Variants in CACNB4 observed in about 807,000 individuals in gnomAD.
CACNB4 encodes voltage-dependent L-type calcium channel subunit beta-4.
A neutral mutation model predicts 71.2 loss-of-function variants in CACNB4; 32 were observed. That is an observed-to-expected ratio of 0.45 (90% CI 0.34 to 0.60). The LOEUF is 0.60. Ranked by LOEUF, CACNB4 falls within the 20% of genes least tolerant of loss-of-function variation. The pLI is 0.01. For synonymous variants in CACNB4, 231 were observed against 236.9 expected (o/e 0.97, Z 0.23); for missense variants, 464 against 647.9 (o/e 0.72, Z 3.08).
intron 2 of CACNB4, among the ~76,000 whole-genome samples, chr2:151,991,594 T>C (rs1189793546): frequency 6.6e-6 from 1 of 152,232 alleles, no homozygotes; most frequent in Non-Finnish European, 1.5e-5. Context: ...GTGAAGAATG[T>C]GCTTCTTGCT....
intron 2 of CACNB4, among the ~76,000 whole-genome samples, chr2:152,038,011 G>A (rs1684684419): frequency 6.6e-6 from 1 of 152,202 alleles, no homozygotes; most frequent in Admixed American, 6.5e-5. Context: ...AGGGCCCAGG[G>A]AATCTTCAGC....
chr2:151,933,179 A>C (rs978050738), intron 2 of CACNB4, among the ~76,000 whole-genome samples: 3 of 151,214 alleles, frequency 2.0e-5, no homozygotes, highest in Non-Finnish European at 4.4e-5. Context: ...TTAAAAACAA[A>C]AAAAAAGCAA....
intron 2 of CACNB4, among the ~76,000 whole-genome samples, chr2:151,917,833 T>C (rs371949439): frequency 7.8e-5 from 1 of 12,788 alleles, no homozygotes; most frequent in African/African-American, 1.9e-4. Flanking sequence ...AGACACTGTC[T>C]CAAAAAAAAA....
At chr2:151,893,569 G>C (rs182663575) in intron 2 of CACNB4, among the ~76,000 whole-genome samples, 2 of 151,922 alleles carry the variant, frequency 1.3e-5, no homozygotes, top group Non-Finnish European at 2.9e-5. Context: ...ATAAATTATA[G>C]ATGAAGAGAT....
At chr2:151,995,131 G>T (rs1321974660) in intron 2 of CACNB4, among the ~76,000 whole-genome samples, 1 of 152,142 alleles carries the variant, frequency 6.6e-6, no homozygotes, top group African/African-American at 2.4e-5. Context: ...GCAAATATAA[G>T]TGCCAAAAAG....
chr2:152,023,312 A>G (rs1176017187), intron 2 of CACNB4, among the ~76,000 whole-genome samples: 1 of 152,106 alleles, frequency 6.6e-6, no homozygotes, highest in Non-Finnish European at 1.5e-5. Context: ...TTACAATTCG[A>G]GATGAGATTT....
At chr2:152,049,885 TGA>T (rs1445322132) in intron 2 of CACNB4, among the ~76,000 whole-genome samples, 3 of 152,254 alleles carry the variant, frequency 2.0e-5, no homozygotes, top group Non-Finnish European at 2.9e-5. Context: ...GTTTGACTGG[TGA>T]CTGTCATTAA....
intron 2 of CACNB4, among the ~76,000 whole-genome samples, chr2:151,889,988 C>T (rs960786499): frequency 6.6e-6 from 1 of 152,256 alleles, no homozygotes; most frequent in South Asian, 2.1e-4. Context: ...TGGTGTGACG[C>T]TAATTGTTAG....
intron 2 of CACNB4, among the ~76,000 whole-genome samples, chr2:152,007,200 A>G (rs1432998580): frequency 6.6e-6 from 1 of 152,196 alleles, no homozygotes; most frequent in Non-Finnish European, 1.5e-5. Context: ...AAATCATGGG[A>G]AAATATGCAT....
At chr2:152,005,586 A>T (rs1682678645) in intron 2 of CACNB4, among the ~76,000 whole-genome samples, 2 of 152,196 alleles carry the variant, frequency 1.3e-5, no homozygotes, top group Admixed American at 6.5e-5. Context: ...GGGTGAAGGG[A>T]TCCATAGAAA....
chr2:152,074,407 A>G (rs1686879353), intron 2 of CACNB4, among the ~76,000 whole-genome samples: 1 of 150,208 alleles, frequency 6.7e-6, no homozygotes, highest in Admixed American at 6.6e-5. Flanking sequence ...CACCATCATC[A>G]CCACCAGCAG....
chr2:151,972,553 C>A (rs772025954), intron 2 of CACNB4: 1 of 152,044 alleles, frequency 6.6e-6, no homozygotes, highest in African/African-American at 2.4e-5. Context: ...AGAGACTTTG[C>A]GGAAACAGAG....
At chr2:151,959,738 A>G (rs904925885) in intron 2 of CACNB4, among the ~76,000 whole-genome samples, 3 of 152,084 alleles carry the variant, frequency 2.0e-5, no homozygotes, top group Admixed American at 6.5e-5. Flanking sequence ...GGGAGGAACA[A>G]TTTTTTAGCT....
At chr2:151,916,759 G>A (rs900004267) in intron 2 of CACNB4, among the ~76,000 whole-genome samples, 3 of 152,242 alleles carry the variant, frequency 2.0e-5, no homozygotes, top group African/African-American at 7.2e-5. Context: ...TTAGAACAGT[G>A]GTTCCCAGCT....
At position 152,098,217 on chromosome 2, in the gene CACNB4, G is replaced by T; in HGVS notation, c.147+113C>A. On this transcript the variant is annotated intron_variant, in intron 2 of 13. Coordinates refer to ENST00000539935, the MANE Select transcript of CACNB4 (RefSeq NM_000726.5). This position sits in a 1 kb window ranked among gnomAD's most constrained non-coding sequence, Gnocchi z 5.3. Reference sequence around the variant, plus strand: ...GCACCGGCCGAGGCCGGGAAGAGACGCGCGCGGGCTTGACCCGCAGCTCCC... The same window carrying T: ...GCACCGGCCGAGGCCGGGAAGAGACTCGCGCGGGCTTGACCCGCAGCTCCC... 1 of 759,414 alleles carries T rather than the reference G, an allele frequency of 1.3e-6. No homozygotes were observed. Among genetic ancestry groups the T allele is most frequent in the Non-Finnish European group, 2.2e-6 (1 of 450,100 alleles). The allele number at this position is 759,414 out of a possible 1,614,324, so 47.0% of individuals were successfully genotyped here.
rs1357777800 is a variant in CACNB4 at position 151,938,448 on chromosome 2, A to T, written c.148-55078T>A. Among the ~76,000 whole-genome samples the T allele has an allele frequency of 3.9e-5, 6 of 152,268 alleles. No homozygotes were observed. The East Asian group carries it at 1.2e-3, about 29-fold the overall frequency. ...CCATTGCCCATCTGTGTCTTTCCAG[A>T]GTAGTGTTGTATCTGGGTGTAGAGG... On this transcript the variant is annotated intron_variant, in intron 2 of 13. Transcript: ENST00000539935.
intron 2 of CACNB4, among the ~76,000 whole-genome samples, chr2:151,925,909 C>T (rs902107291): frequency 1.3e-5 from 2 of 152,082 alleles, no homozygotes; most frequent in Non-Finnish European, 2.9e-5. Flanking sequence ...CTAGAAGAAT[C>T]GACATACCAC....
intron 2 of CACNB4, among the ~76,000 whole-genome samples, chr2:151,996,930 GA>G (rs35096428): frequency 4.3e-4 from 65 of 151,780 alleles, no homozygotes; most frequent in African/African-American, 1.5e-3. Context: ...TGGTGTTTAA[GA>G]AAAAAAATAA....
intron 2 of CACNB4, among the ~76,000 whole-genome samples, chr2:151,994,463 C>T (rs1005096115): frequency 1.3e-5 from 2 of 151,574 alleles, no homozygotes; most frequent in African/African-American, 4.8e-5. Context: ...ACCTTGGCCT[C>T]CCAAAGTGCT....
Sources: allele counts gnomAD v4.1 joint callset (sites outside exome capture counted in the v4.1 genomes callset), GRCh38; gene constraint gnomAD v4.1.1; non-coding constraint Gnocchi (gnomAD v3.1); transcripts MANE v1.5; gene names NCBI Gene and HGNC (gene_info 2026-07-23, HGNC 2026-07-21).